Variants in TMED3 observed in about 807,000 individuals in gnomAD.
TMED3 encodes the protein transmembrane p24 trafficking protein 3, also known as transmembrane emp24 domain-containing protein 3.
TMED3 carries 9 observed loss-of-function variants against 15.0 expected under a neutral mutation model. That is an observed-to-expected ratio of 0.60 (90% CI 0.36 to 1.04). The LOEUF (loss-of-function observed/expected upper bound fraction) is 1.04. TMED3 is among the 50% of genes least tolerant of loss of function. TMED3 has a pLI of 0.01. For missense variants in TMED3, 267 were observed against 278.9 expected (o/e 0.96, Z 0.30); for synonymous variants, 117 against 121.4 (o/e 0.96, Z 0.24).
At chr15:79,334,896 G>A (rs1422870272) in intron 2 of TMED3, among the ~76,000 whole-genome samples, 10 of 152,278 alleles carry the variant, frequency 6.6e-5, no homozygotes, top group Middle Eastern at 3.4e-3. Flanking sequence ...CCAGTCTCAG[G>A]GAATATGTGG....
At chr15:79,320,925 A>C (rs1288523570) in intron 2 of TMED3, among the ~76,000 whole-genome samples, 1 of 152,142 alleles carries the variant, frequency 6.6e-6, no homozygotes, top group African/African-American at 2.4e-5. Context: ...ATGCTCATTC[A>C]GGTTGTTGGT....
chr15:79,386,834 A>C (rs1893633352), intron 2 of TMED3, among the ~76,000 whole-genome samples: 1 of 151,504 alleles, frequency 6.6e-6, no homozygotes, highest in South Asian at 2.1e-4. Context: ...GCCGTGAGCC[A>C]CTGTGCCTGG....
chr15:79,403,433 A>G (rs570031747), intron 2 of TMED3, among the ~76,000 whole-genome samples: 1 of 152,090 alleles, frequency 6.6e-6, no homozygotes, highest in Admixed American at 6.5e-5. Flanking sequence ...TCCTTCCCTA[A>G]GGAACTCTAA....
chr15:79,346,467 C>G (rs545648265), intron 2 of TMED3, among the ~76,000 whole-genome samples: 2 of 152,194 alleles, frequency 1.3e-5, no homozygotes, highest in South Asian at 2.1e-4. Flanking sequence ...TGCACATGCT[C>G]TCTTACCTGC....
intron 2 of TMED3, among the ~76,000 whole-genome samples, chr15:79,399,605 T>A (rs1157907508): frequency 6.6e-6 from 1 of 152,118 alleles, no homozygotes; most frequent in Non-Finnish European, 1.5e-5. Flanking sequence ...TGCCAGGAAA[T>A]GTGTCCTTTA....
At chr15:79,323,243 C>T (rs946595929), downstream of TMED3, among the ~76,000 whole-genome samples, 4 of 152,142 alleles carry the variant, frequency 2.6e-5, no homozygotes, top group South Asian at 4.1e-4. Flanking sequence ...TGAATGCATA[C>T]CAATCAGATG....
intron 2 of TMED3, among the ~76,000 whole-genome samples, chr15:79,380,841 G>A (rs1298211391): frequency 6.6e-6 from 1 of 152,062 alleles, no homozygotes; most frequent in Non-Finnish European, 1.5e-5. Context: ...TCCTAGACAA[G>A]CCTATGATGC....
At chr15:79,318,868 C>T (rs895831112) in intron 2 of TMED3, among the ~76,000 whole-genome samples, 2 of 152,220 alleles carry the variant, frequency 1.3e-5, no homozygotes, top group African/African-American at 4.8e-5. Context: ...AGCCAGTTGG[C>T]TTTGGAAGTT....
rs115301420 is a variant in TMED3 at position 79,388,560 on chromosome 15, T to C, written c.418-22840T>C. Reference sequence around the variant, plus strand: ...ATTGCAAATTGTTCTGCTATTAATATGCATGTGCAAGTATCTTTTTTGTAT... The same window carrying C: ...ATTGCAAATTGTTCTGCTATTAATACGCATGTGCAAGTATCTTTTTTGTAT... On this transcript the variant is annotated intron_variant, in intron 2 of 2. Transcript: ENST00000424155. Among the ~76,000 whole-genome samples the C allele has an allele frequency of 9.9e-3, 1,501 of 152,318 alleles. 22 individuals are homozygous for C. The highest frequency in any genetic ancestry group is 0.033 in the African/African-American group (1,383 of 41,566).
intron 2 of TMED3, among the ~76,000 whole-genome samples, chr15:79,366,385 G>A (rs933504961): frequency 1.3e-5 from 2 of 152,134 alleles, no homozygotes; most frequent in Non-Finnish European, 2.9e-5. Context: ...ATCCACAACT[G>A]CCTTGGTAAA....
chr15:79,380,720 G>A (rs900159034), intron 2 of TMED3, among the ~76,000 whole-genome samples: 1 of 151,636 alleles, frequency 6.6e-6, no homozygotes, highest in South Asian at 2.1e-4. Context: ...CCTTCACTGC[G>A]GTACTCTACA....
chr15:79,326,526 G>A (rs2058788166), downstream of TMED3, among the ~76,000 whole-genome samples: 1 of 152,166 alleles, frequency 6.6e-6, no homozygotes, highest in Non-Finnish European at 1.5e-5. Flanking sequence ...GCTATTGCTA[G>A]TCTTGGGGCT....
chr15:79,407,799 C>G (rs1893921022), intron 2 of TMED3, among the ~76,000 whole-genome samples: 1 of 152,188 alleles, frequency 6.6e-6, no homozygotes, highest in Non-Finnish European at 1.5e-5. Context: ...TTGCTCACGC[C>G]TGCTTTGCCC....
intron 2 of TMED3, among the ~76,000 whole-genome samples, chr15:79,346,343 G>A (rs756556402): frequency 9.9e-5 from 15 of 152,120 alleles, no homozygotes; most frequent in African/African-American, 2.4e-4. Context: ...CCCATGTGTC[G>A]TGGGAGGGAC....
intron 2 of TMED3, among the ~76,000 whole-genome samples, chr15:79,402,682 G>A (rs1042199567): frequency 6.6e-6 from 1 of 152,088 alleles, no homozygotes; most frequent in Non-Finnish European, 1.5e-5. Flanking sequence ...AGCTACTTGG[G>A]AGGCTGAGGC....
intron 2 of TMED3, among the ~76,000 whole-genome samples, chr15:79,352,360 G>A (rs1197022388): frequency 6.6e-6 from 1 of 152,064 alleles, no homozygotes; most frequent in Non-Finnish European, 1.5e-5. Flanking sequence ...GAACATTCAA[G>A]CCTCTGAGCT....
At position 79,389,637 on chromosome 15, in the gene TMED3, G is replaced by A. The variant is rs562509186; in HGVS notation, c.418-21763G>A. On this transcript the variant is annotated intron_variant, in intron 2 of 2. Coordinates refer to the TMED3 transcript ENST00000424155. The stretch of plus-strand genomic sequence containing the variant: ...CTCTAATTCTGTGAAGAATGATGGT[G>A]GTATTTTAATGGGGATTGTGTTGAA... Among the ~76,000 whole-genome samples the A allele has an allele frequency of 4.3e-4, 66 of 152,194 alleles. 1 individual carries two copies. In the South Asian group the frequency reaches 0.014, roughly 31 times the overall value.
intron 2 of TMED3, among the ~76,000 whole-genome samples, chr15:79,388,720 A>T (rs1893659293): frequency 6.6e-6 from 1 of 152,138 alleles, no homozygotes; most frequent in Admixed American, 6.5e-5. Flanking sequence ...GCAGTGTAAA[A>T]GTGTTCCCTG....
chr15:79,364,146 T>C (rs1352223645), intron 2 of TMED3, among the ~76,000 whole-genome samples: 3 of 152,202 alleles, frequency 2.0e-5, no homozygotes, highest in Non-Finnish European at 4.4e-5. Context: ...GGTTGCCGGT[T>C]GGCCCTTCAC....
Sources: gnomAD v4.1 joint callset for allele counts (sites outside exome capture counted in the v4.1 genomes callset) on GRCh38, gnomAD v4.1.1 for gene constraint, MANE v1.5 for transcripts, NCBI Gene and HGNC (gene_info 2026-07-23, HGNC 2026-07-21) for gene names.